The following MYO9A variants were observed in gnomAD, a reference collection of about 807,000 sequenced individuals.
MYO9A encodes unconventional myosin-IXa.
MYO9A carries 103 observed loss-of-function variants against 293.3 expected under a neutral mutation model. That is an observed-to-expected ratio of 0.35 (90% CI 0.30 to 0.41). The LOEUF (loss-of-function observed/expected upper bound fraction) is 0.41. Ranked by LOEUF, MYO9A falls within the 10% of genes least tolerant of loss-of-function variation. MYO9A has a pLI of 1.00. For missense variants in MYO9A, 2,685 were observed against 3,033.0 expected (o/e 0.89, Z 2.69); for synonymous variants, 1,001 against 1,035.7 (o/e 0.97, Z 0.64).
intron 1 of MYO9A, among the ~76,000 whole-genome samples, chr15:72,080,761 C>G (rs1360987079): frequency 6.6e-6 from 1 of 151,980 alleles, no homozygotes; most frequent in Non-Finnish European, 1.5e-5. Flanking sequence ...TCTCTCTGCT[C>G]CCACCCTCCA....
rs2057406272 is a variant in MYO9A at position 71,898,865 on chromosome 15, A to G, written c.3638T>C (p.Ile1213Thr). ...TTCACGGCTAATTCGATTACTCTCT[A>G]TTACAGATTTACATTCCTCTATGGC... ...IKAIEECKSVIESNRISRESS... is the reference protein window; with the variant it reads ...IKAIEECKSVTESNRISRESS... Residue 1213 changes from isoleucine (I) to threonine (T), a missense_variant, in exon 25 of 42, where the codon ATA becomes ACA. Coordinates refer to ENST00000356056, the MANE Select transcript of MYO9A (RefSeq NM_006901.4). 6.2e-7 allele frequency: 1 copy of G among 1,614,054 alleles called. No homozygotes were observed. The highest frequency in any genetic ancestry group is 8.5e-7 in the Non-Finnish European group (1 of 1,179,990).
Position 71,898,389 on chromosome 15 carries a change from T to A in MYO9A, c.4114A>T (p.Asn1372Tyr), listed in dbSNP as rs758483023. Residue 1372 changes from asparagine to tyrosine, a missense_variant, in exon 25 of 42, where the codon AAT becomes TAT. Asn to Tyr is a moderately radical substitution (Grantham distance 143, BLOSUM62 -2). Transcript: ENST00000356056. ...GTCTCATTTGAGGCACTGAGGGCAT[T>A]GTCCCGTGAATCAAATTTTGGACTG... Reference protein sequence around the residue: ...SSSPKFDSRDNALSASNETSS... With the variant: ...SSSPKFDSRDYALSASNETSS... 1.2e-6 allele frequency: 2 copies of A among 1,613,652 alleles called. No individual in the cohort carries two copies. The highest frequency in any genetic ancestry group is 8.5e-7 in the Non-Finnish European group (1 of 1,180,022).
chr15:71,849,517 A>G (rs759856748), intron 38 of MYO9A, among the ~76,000 whole-genome samples: 2 of 152,146 alleles, frequency 1.3e-5, no homozygotes, highest in Non-Finnish European at 2.9e-5. Flanking sequence ...CCCAATGCCC[A>G]GGCTACACGC....
chr15:72,056,561 T>C (rs1039016507), intron 1 of MYO9A, among the ~76,000 whole-genome samples: 2 of 152,198 alleles, frequency 1.3e-5, no homozygotes, highest in Admixed American at 1.3e-4. Context: ...GGTGTAAGAA[T>C]GACACAGTGA....
intron 18 of MYO9A, among the ~76,000 whole-genome samples, chr15:71,917,264 C>G (rs2058034714): frequency 6.6e-6 from 1 of 152,180 alleles, no homozygotes; most frequent in Admixed American, 6.5e-5. Flanking sequence ...AGGCTGGGCA[C>G]AGTGGCACAC....
chr15:71,959,823 TC>T lies in MYO9A; in HGVS notation c.2182+77del. ...GAGAATCTCATAGCAAGAATTCTAC[TC>T]CTTTTTGTGGAGAAGTAGAAAGGTA... On this transcript the variant is annotated intron_variant, in intron 14 of 41. Transcript: ENST00000356056. 2 of 1,284,810 alleles carry T rather than the reference TC, an allele frequency of 1.6e-6. 1 individual carries two copies. Among genetic ancestry groups the T allele is most frequent in the Non-Finnish European group, 2.1e-6 (2 of 942,554 alleles). The allele number at this position is 1,284,810 out of a possible 1,614,324, so 79.6% of individuals were successfully genotyped here.
chr15:72,071,348 A>G (rs1447929456), intron 1 of MYO9A, among the ~76,000 whole-genome samples: 1 of 152,226 alleles, frequency 6.6e-6, no homozygotes, highest in Non-Finnish European at 1.5e-5. Context: ...CAGAGATATC[A>G]TCTCACACCA....
intron 12 of MYO9A, among the ~76,000 whole-genome samples, chr15:71,972,838 C>T (rs1001265332): frequency 5.9e-5 from 9 of 151,982 alleles, no homozygotes; most frequent in African/African-American, 2.2e-4. Flanking sequence ...GCCATAGCTG[C>T]TATGCTCGGT....
Position 71,916,437 on chromosome 15 carries a change from C to G in MYO9A, c.2618G>C (p.Arg873Pro). The change falls in exon 19 of 42, where the codon CGC (arginine) becomes CCC (proline). Residue 873 changes from arginine (R) to proline (P), a missense_variant. Coordinates refer to ENST00000356056, the MANE Select transcript of MYO9A (RefSeq NM_006901.4). ...TAAATGAAGAAGAGACTTGGTAATG[C>G]GATCTTGTAGTGTCAGTCTTGTCAG... ...KHLTRLTLQD[R>P]ITKSLLHLHK... 1.2e-6 allele frequency: 2 copies of G among 1,613,322 alleles called. No homozygotes were observed. The highest frequency in any genetic ancestry group is 2.2e-5 in the South Asian group (2 of 90,978).
chr15:71,859,268 G>T (rs554033709), intron 34 of MYO9A, among the ~76,000 whole-genome samples: 1 of 152,232 alleles, frequency 6.6e-6, no homozygotes, highest in Non-Finnish European at 1.5e-5. Context: ...GAAACATAAG[G>T]TATCAAACAG....
intron 17 of MYO9A, among the ~76,000 whole-genome samples, chr15:71,934,614 T>TC (rs953576603): frequency 4.6e-5 from 7 of 151,088 alleles, no homozygotes; most frequent in African/African-American, 1.7e-4. Flanking sequence ...TTTTTTTTTT[T>TC]CTCAGAGACA....
chr15:72,031,394 G>C (rs1376676533), intron 3 of MYO9A, among the ~76,000 whole-genome samples: 1 of 152,156 alleles, frequency 6.6e-6, no homozygotes, highest in Non-Finnish European at 1.5e-5. Context: ...GCTGAGGCAG[G>C]AGAATCACTT....
chr15:72,093,540 T>C (rs1466892024), intron 1 of MYO9A, among the ~76,000 whole-genome samples: 1 of 148,642 alleles, frequency 6.7e-6, no homozygotes, highest in Non-Finnish European at 1.5e-5. Flanking sequence ...ACTTAGCAAA[T>C]ATAAAGAATT....
Position 71,830,083 on chromosome 15 carries a change from C to T in MYO9A, c.7040+26G>A, listed in dbSNP as rs1011518113. 26 of 1,605,898 alleles carry T rather than the reference C, an allele frequency of 1.6e-5. No homozygotes were observed. In the African/African-American group the frequency reaches 3.2e-4, roughly 20 times the overall value. ...GGAAACAAAAACAGACTATAACTGT[C>T]TCTCCCCTTCCTCCTGGATACTCAC... On this transcript the variant is annotated intron_variant, in intron 40 of 41. Transcript: ENST00000356056.
chr15:71,860,018 CA>C lies in MYO9A; in HGVS notation c.6092-223del, dbSNP rs1290675804. Among the ~76,000 whole-genome samples, 6 of 152,276 alleles carry C rather than the reference CA, an allele frequency of 3.9e-5. No homozygotes were observed. In the East Asian group the frequency reaches 1.2e-3, roughly 29 times the overall value. On this transcript the variant is annotated intron_variant, in intron 33 of 41. Transcript: ENST00000356056. ...CATGATCAAAATTTCTAGCCACAGT[CA>C]ATGAAAAAGCTTTTTGTTCTTTCAA...
intron 22 of MYO9A, among the ~76,000 whole-genome samples, chr15:71,901,705 G>A (rs1021795636): frequency 6.6e-6 from 1 of 151,664 alleles, no homozygotes; most frequent in African/African-American, 2.4e-5. Context: ...GAGGAAGGGA[G>A]GGAAAAATGA....
At chr15:72,097,182 T>A (rs547101989) in intron 1 of MYO9A, among the ~76,000 whole-genome samples, 1 of 152,356 alleles carries the variant, frequency 6.6e-6, no homozygotes, top group South Asian at 2.1e-4. Flanking sequence ...TGGCACTGCA[T>A]GCTACAGACA....
At position 71,850,036 on chromosome 15, in the gene MYO9A, G is replaced by A. The variant is rs775312478; in HGVS notation, c.6713C>T (p.Thr2238Ile). 8.1e-6 allele frequency: 13 copies of A among 1,613,786 alleles called. No homozygotes were observed. Among genetic ancestry groups the A allele is most frequent in the Admixed American group, 5.0e-5 (3 of 59,996 alleles). Reference sequence around the variant, plus strand: ...CAAAGGTTATGGTAACTGGCCTTACGTGGTAGTCTTACTGATGTCCTGTAC... The same window carrying A: ...CAAAGGTTATGGTAACTGGCCTTACATGGTAGTCTTACTGATGTCCTGTAC... ...QSVQDISKTTTCVELIVVEQM... is the reference protein window; with the variant it reads ...QSVQDISKTTICVELIVVEQM... Residue 2238 changes from threonine to isoleucine, a missense_variant and splice_region_variant, in exon 38 of 42, where the codon ACT (threonine) becomes ATT (isoleucine). Around this residue, in one of 10 missense-constraint regions of MYO9A, gnomAD observed 238 missense variants for 269.1 expected, o/e 0.88. Coordinates refer to ENST00000356056, the MANE Select transcript of MYO9A (RefSeq NM_006901.4).
At position 71,978,194 on chromosome 15, in the gene MYO9A, A is replaced by G. The variant is rs753755165; in HGVS notation, c.1821T>C (p.Leu607=). 6.2e-7 allele frequency: 1 copy of G among 1,612,884 alleles called. No individual in the cohort carries two copies. Among genetic ancestry groups the G allele is most frequent in the Non-Finnish European group, 8.5e-7 (1 of 1,179,608 alleles). ...NLISKKPTGL[L]HLLDEESNFP... is the part of the protein sequence containing the mutation. ...ACTTGCTTTCTTCATCCAAAAGATG[A>G]AGCAGTCCTGTTGGTTTTTTGCTAA... The change falls in exon 12 of 42, where the codon CTT becomes CTC. Residue 607 remains leucine (L), a synonymous_variant. Transcript: ENST00000356056.
Sources: gnomAD v4.1 joint callset for allele counts (sites outside exome capture counted in the v4.1 genomes callset) on GRCh38, gnomAD v4.1.1 for gene constraint, gnomAD v4.1.1 regional missense constraint, MANE v1.5 for transcripts, NCBI Gene and HGNC (gene_info 2026-07-23, HGNC 2026-07-21) for gene names.